Variants in CDH13 observed in about 807,000 individuals in gnomAD.
CDH13 encodes cadherin 13, also known as cadherin-13.
In CDH13, 24 loss-of-function variants were observed where a neutral mutation model predicts 63.8. That is an observed-to-expected ratio of 0.38 (90% CI 0.27 to 0.53). The LOEUF is 0.53. Ranked by LOEUF, CDH13 falls within the 20% of genes least tolerant of loss-of-function variation. CDH13 has a pLI of 0.85. For synonymous variants in CDH13, 503 were observed against 355.3 expected, an observed-to-expected ratio of 1.42 and a Z score of -4.67; for missense variants, 1,049 against 903.1, an observed-to-expected ratio of 1.16 and a Z score of -2.07.
intron 11 of CDH13, among the ~76,000 whole-genome samples, chr16:83,752,103 C>T (rs999810118): frequency 2.6e-5 from 4 of 152,222 alleles, no homozygotes; most frequent in African/African-American, 9.7e-5. Context: ...CATTACTGAT[C>T]AGCTAAAGTA....
At chr16:82,914,639 C>G (rs2041929353) in intron 2 of CDH13, among the ~76,000 whole-genome samples, 1 of 152,140 alleles carries the variant, frequency 6.6e-6, no homozygotes, top group Non-Finnish European at 1.5e-5. Context: ...AAGGCAAATC[C>G]TGCTTTCTTG....
intron 2 of CDH13, among the ~76,000 whole-genome samples, chr16:82,941,939 C>T (rs779921905): frequency 2.6e-4 from 40 of 152,146 alleles, no homozygotes; most frequent in Non-Finnish European, 4.9e-4. Flanking sequence ...CTTCATATAT[C>T]CTGAATATAA....
chr16:82,883,117 A>C (rs1597893260), intron 2 of CDH13, among the ~76,000 whole-genome samples: 1 of 152,226 alleles, frequency 6.6e-6, no homozygotes, highest in African/African-American at 2.4e-5. Flanking sequence ...GGGGTTTCAC[A>C]CCATTAAATT....
Position 82,644,743 on chromosome 16 carries a change from C to G in CDH13, c.45+17606C>G. The stretch of plus-strand genomic sequence containing the variant: ...CCAGGTGACAGGAGTCCGCTGGGCT[C>G]CCTCTGATTCTTAAAGCCTTTCCAG... On this transcript the variant is annotated intron_variant, in intron 1 of 13. Coordinates refer to ENST00000567109, the MANE Select transcript of CDH13 (RefSeq NM_001257.5). The surrounding 1 kb of genome is among the most constrained non-coding windows in gnomAD (Gnocchi z 5.7). Among the ~76,000 whole-genome samples, 1 of 152,110 alleles carries G rather than the reference C, an allele frequency of 6.6e-6. No homozygotes were observed. The highest frequency in any genetic ancestry group is 1.9e-4 in the East Asian group (1 of 5,168).
intron 6 of CDH13, among the ~76,000 whole-genome samples, chr16:83,354,845 T>G (rs2091022580): frequency 6.6e-6 from 1 of 152,234 alleles, no homozygotes; most frequent in South Asian, 2.1e-4. Flanking sequence ...CTGCCTGTTG[T>G]TTTTTAAATA....
rs139641205 is a variant in CDH13, at chr16:82,653,000, C to T, written c.45+25863C>T. Among the ~76,000 whole-genome samples, 567 of 152,248 alleles carry T rather than the reference C, an allele frequency of 3.7e-3. 2 individuals are homozygous for T. Among genetic ancestry groups the T allele is most frequent in the Non-Finnish European group, 5.4e-3 (370 of 68,020 alleles). On this transcript the variant is annotated intron_variant, in intron 1 of 13. Coordinates refer to ENST00000567109, the MANE Select transcript of CDH13 (RefSeq NM_001257.5). Reference sequence around the variant, plus strand: ...TTTGTAGAAGTTGGGGGTAAACAGGCGACCAAAAGGTAGTCCGTGACCCCA... The same window carrying T: ...TTTGTAGAAGTTGGGGGTAAACAGGTGACCAAAAGGTAGTCCGTGACCCCA...
At chr16:83,397,771 T>C (rs112462781) in intron 6 of CDH13, among the ~76,000 whole-genome samples, 3,243 of 152,310 alleles carry the variant, frequency 0.021, 62 homozygotes, top group Middle Eastern at 0.048. Flanking sequence ...GGCAGAACTC[T>C]TGATGGCAAG....
chr16:83,199,432 C>A (rs1306340618), intron 4 of CDH13, among the ~76,000 whole-genome samples: 1 of 152,166 alleles, frequency 6.6e-6, no homozygotes, highest in Non-Finnish European at 1.5e-5. Flanking sequence ...CCTGTTCCTC[C>A]CCCTGAACTA....
At chr16:82,805,888 G>T (rs189716319) in intron 1 of CDH13, among the ~76,000 whole-genome samples, 2 of 152,204 alleles carry the variant, frequency 1.3e-5, no homozygotes, top group African/African-American at 2.4e-5. Flanking sequence ...ACAACTGTCT[G>T]TCTTTTAACA....
chr16:83,648,070 A>G (rs1833964), intron 8 of CDH13, among the ~76,000 whole-genome samples: 10,225 of 152,214 alleles, frequency 0.067, 543 homozygotes, highest in Non-Finnish European at 0.1. Flanking sequence ...CCTCTTAAAT[A>G]TTCCCTCAAG....
At chr16:83,146,707 A>G (rs952705024) in intron 4 of CDH13, among the ~76,000 whole-genome samples, 13 of 152,254 alleles carry the variant, frequency 8.5e-5, no homozygotes, top group African/African-American at 3.1e-4. Context: ...CAATAATTCA[A>G]GCACAATTGG....
intron 2 of CDH13, among the ~76,000 whole-genome samples, chr16:82,888,120 A>G (rs1051015728): frequency 2.6e-5 from 4 of 152,144 alleles, no homozygotes; most frequent in Admixed American, 2.0e-4. Context: ...TCTGAGATCC[A>G]AGTTCCAAAA....
At chr16:82,957,367 C>T (rs1906276871) in intron 2 of CDH13, among the ~76,000 whole-genome samples, 1 of 152,186 alleles carries the variant, frequency 6.6e-6, no homozygotes, top group South Asian at 2.1e-4. Context: ...ACATGGCAAT[C>T]CTGGCAGGGT....
At chr16:83,224,279 A>G (rs2039781907) in intron 5 of CDH13, among the ~76,000 whole-genome samples, 1 of 152,122 alleles carries the variant, frequency 6.6e-6, no homozygotes, top group Admixed American at 6.5e-5. Flanking sequence ...CTGGTTTCAT[A>G]TTTTTGCAAT....
chr16:82,783,467 G>T (rs559481448), intron 1 of CDH13, among the ~76,000 whole-genome samples: 1 of 152,300 alleles, frequency 6.6e-6, no homozygotes, highest in East Asian at 1.9e-4. Context: ...AAAGAGATTG[G>T]GCTGCAAGGA....
chr16:82,938,533 C>A (rs1231071782), intron 2 of CDH13, among the ~76,000 whole-genome samples: 5 of 152,188 alleles, frequency 3.3e-5, no homozygotes, highest in Non-Finnish European at 1.5e-5. Flanking sequence ...CACTGCCCAG[C>A]ATCAGCAGGG....
intron 2 of CDH13, among the ~76,000 whole-genome samples, chr16:83,031,317 G>C (rs1214127016): frequency 8.2e-6 from 1 of 122,284 alleles, no homozygotes. Flanking sequence ...GCATGCATAG[G>C]CATGTATATA....
intron 1 of CDH13, among the ~76,000 whole-genome samples, chr16:82,834,848 T>C (rs1483884863): frequency 2.0e-5 from 3 of 152,116 alleles, no homozygotes; most frequent in South Asian, 2.1e-4. Context: ...GCTAAAATGG[T>C]TTTTACATTT....
At position 83,082,719 on chromosome 16, in the gene CDH13, A is replaced by G. The variant is rs115448572; in HGVS notation, c.367-42666A>G. Among the ~76,000 whole-genome samples, 1,011 of 152,334 alleles carry G rather than the reference A, an allele frequency of 6.6e-3. 17 individuals carry two copies. The highest frequency in any genetic ancestry group is 0.022 in the African/African-American group (902 of 41,578). Reference sequence around the variant, plus strand: ...CAATGGACTAAAGCCTCAAAGAGGAAATTTCATTTATAAGGTTAGGCTGTA... The same window carrying G: ...CAATGGACTAAAGCCTCAAAGAGGAGATTTCATTTATAAGGTTAGGCTGTA... On this transcript the variant is annotated intron_variant, in intron 3 of 13. Transcript: ENST00000567109.
Sources: gnomAD v4.1 joint callset for allele counts (sites outside exome capture counted in the v4.1 genomes callset) on GRCh38, gnomAD v4.1.1 for gene constraint, Gnocchi (gnomAD v3.1) non-coding constraint, MANE v1.5 for transcripts, NCBI Gene and HGNC (gene_info 2026-07-23, HGNC 2026-07-21) for gene names.